ALG1L2: variants seen among roughly 807,000 people sequenced by gnomAD.
ALG1L2 encodes the protein putative glycosyltransferase ALG1L2.
In ALG1L2, 32 loss-of-function variants were observed where a neutral mutation model predicts 29.0. That is an observed-to-expected ratio of 1.10 (90% CI 0.83 to 1.48). The LOEUF is 1.48. ALG1L2 is among the 40% of genes most tolerant of loss of function. The pLI, the probability that ALG1L2 is intolerant of heterozygous loss-of-function variation, is 0.00. For missense variants in ALG1L2, 318 were observed against 274.1 expected (o/e 1.16, Z -1.13); for synonymous variants, 110 against 109.5 (o/e 1.00, Z -0.03).
At chr3:130,088,600 TAGAGATGGGGTTTCAACATTTTGG>T in intron 1 of ALG1L2, among the ~76,000 whole-genome samples, 1 of 152,380 alleles carries the variant, frequency 6.6e-6, no homozygotes, top group East Asian at 1.9e-4. Flanking sequence ...GTATTTTTAT[TAGAGATGGGGTTTCAACATTTTGG>T]CCAGGCTGGT....
chr3:130,096,005 G>A (rs746447870), intron 5 of ALG1L2, 44 bp from the exon 6 acceptor site: 112 of 218,210 alleles, frequency 5.1e-4, no homozygotes, highest in Middle Eastern at 3.0e-3. Context: ...TTGTGTTCCC[G>A]GGGCAGAGAC....
At chr3:130,084,152 A>AG (rs1261143198) in intron 1 of ALG1L2, among the ~76,000 whole-genome samples, 2 of 132,086 alleles carry the variant, frequency 1.5e-5, no homozygotes, top group African/African-American at 5.1e-5. Flanking sequence ...GATGCTGGGG[A>AG]AGCAGACATT....
intron 4 of ALG1L2, chr3:130,094,017 C>T (rs990216033): frequency 5.8e-5 from 16 of 274,334 alleles, no homozygotes; most frequent in African/African-American, 4.5e-5. Context: ...AGGGCAGGGG[C>T]GGCTTGGAAC....
chr3:130,083,106 G>A (rs1190666083), intron 1 of ALG1L2, among the ~76,000 whole-genome samples: 1 of 132,162 alleles, frequency 7.6e-6, no homozygotes, highest in Admixed American at 7.9e-5. Flanking sequence ...GTAAGCCAAA[G>A]GTAGAGAGTG....
chr3:130,098,382 A>G lies in ALG1L2; in HGVS notation c.*127A>G. ...ACACATAACTCCTGGGCCAGAGGCT[A>G]AAACCCCAGGGCCCCTGCTGTCCTT... On this transcript the variant is annotated 3_prime_UTR_variant, in exon 8 of 8. Coordinates refer to ENST00000425059, the MANE Select transcript of ALG1L2 (RefSeq NM_001136152.1). 2.5e-6 allele frequency: 4 copies of G among 1,595,354 alleles called. No homozygotes were observed. Among genetic ancestry groups the G allele is most frequent in the South Asian group, 1.1e-5 (1 of 90,932 alleles).
At chr3:130,083,897 G>A (rs1180787128) in intron 1 of ALG1L2, among the ~76,000 whole-genome samples, 2 of 150,016 alleles carry the variant, frequency 1.3e-5, no homozygotes, top group Non-Finnish European at 3.0e-5. Context: ...TTGGTCGTGG[G>A]GATGTGGGGT....
intron 1 of ALG1L2, among the ~76,000 whole-genome samples, chr3:130,089,896 G>C (rs79248316): frequency 0.019 from 2,912 of 150,196 alleles, no homozygotes; most frequent in East Asian, 0.14. Context: ...ACAAAAATTA[G>C]CCAGGCTTAC....
intron 1 of ALG1L2, among the ~76,000 whole-genome samples, chr3:130,087,665 G>A (rs567961036): frequency 7.6e-6 from 1 of 131,802 alleles, no homozygotes; most frequent in Non-Finnish European, 1.8e-5. Context: ...TAAAATGGTA[G>A]CACTGGGGAA....
At chr3:130,087,364 T>A (rs1169143900) in intron 1 of ALG1L2, among the ~76,000 whole-genome samples, 1 of 147,770 alleles carries the variant, frequency 6.8e-6, no homozygotes, top group East Asian at 1.9e-4. Context: ...CCATGAAAGA[T>A]AAAGAAAAAC....
chr3:130,088,743 G>T (rs1159729427), intron 1 of ALG1L2, among the ~76,000 whole-genome samples: 1 of 145,672 alleles, frequency 6.9e-6, no homozygotes, highest in Non-Finnish European at 1.5e-5. Context: ...ATAAAGGGGA[G>T]CTCCCCTGCA....
At position 130,091,781 on chromosome 3, in the gene ALG1L2, A is replaced by G. The variant is rs142457137; in HGVS notation, c.132-320A>G. 1,972 of 611,268 alleles carry G rather than the reference A, an allele frequency of 3.2e-3. 23 individuals carry two copies. Among genetic ancestry groups the G allele is most frequent in the African/African-American group, 0.032 (1,748 of 55,096 alleles). The allele number at this position is 611,268 out of a possible 1,614,324, so 37.9% of individuals were successfully genotyped here. A position where few individuals can be genotyped will look rare whatever the true frequency, so the allele number is the denominator to read the frequency against. On this transcript the variant is annotated intron_variant, in intron 2 of 7. Transcript: ENST00000425059. Reference sequence around the variant, plus strand: ...ACTTTGTGCAGGTCCACATACCCTGAGGTGTGCCCCTGGGTAAGCTGGGGT... The same window carrying G: ...ACTTTGTGCAGGTCCACATACCCTGGGGTGTGCCCCTGGGTAAGCTGGGGT...
chr3:130,085,988 A>G (rs1389528068), intron 1 of ALG1L2, among the ~76,000 whole-genome samples: 1 of 151,404 alleles, frequency 6.6e-6, no homozygotes, highest in East Asian at 1.9e-4. Context: ...TACTGATGGC[A>G]GTGAGGCAGA....
chr3:130,098,371 G>A lies in ALG1L2; in HGVS notation c.*116G>A. 3.1e-6 allele frequency: 5 copies of A among 1,596,092 alleles called. No homozygotes were observed. Among genetic ancestry groups the A allele is most frequent in the Non-Finnish European group, 4.2e-6 (5 of 1,179,598 alleles). Reference sequence around the variant, plus strand: ...TTTGGTTATGGACACATAACTCCTGGGCCAGAGGCTAAAACCCCAGGGCCC... The same window carrying A: ...TTTGGTTATGGACACATAACTCCTGAGCCAGAGGCTAAAACCCCAGGGCCC... On this transcript the variant is annotated 3_prime_UTR_variant, in exon 8 of 8. Coordinates refer to ENST00000425059, the MANE Select transcript of ALG1L2 (RefSeq NM_001136152.1).
chr3:130,085,577 AG>A (rs1474546024), intron 1 of ALG1L2, among the ~76,000 whole-genome samples: 2 of 150,440 alleles, frequency 1.3e-5, no homozygotes, highest in Non-Finnish European at 3.0e-5. Flanking sequence ...TACTGGATAA[AG>A]CCCACTCTAT....
intron 1 of ALG1L2, among the ~76,000 whole-genome samples, chr3:130,090,391 G>A (rs1444946163): frequency 6.6e-6 from 1 of 152,290 alleles, no homozygotes; most frequent in Non-Finnish European, 1.5e-5. Flanking sequence ...AATTGAGGAA[G>A]GATTTAGCAT....
intron 4 of ALG1L2, 135 bp downstream of exon 4, chr3:130,093,295 C>CCTG: frequency 3.9e-6 from 4 of 1,033,274 alleles, no homozygotes; most frequent in South Asian, 3.6e-5. Context: ...GGGTCTTACA[C>CCTG]TGCTTGACAT....
chr3:130,084,725 T>C (rs1934854809), intron 1 of ALG1L2, among the ~76,000 whole-genome samples: 1 of 126,700 alleles, frequency 7.9e-6, no homozygotes, highest in African/African-American at 2.6e-5. Context: ...GATGAAGGGA[T>C]TGTCAGGGCC....
chr3:130,091,050 C>G lies in ALG1L2; in HGVS notation c.21-211C>G, dbSNP rs964765633. The stretch of plus-strand genomic sequence containing the variant: ...GTGCAATCCATGTTGTGTATTGGCA[C>G]TCCACTTAAGTTTCCAGTTTGTAAA... On this transcript the variant is annotated intron_variant, in intron 1 of 7. Transcript: ENST00000425059. 7.1e-6 allele frequency: 4 copies of G among 566,878 alleles called. No homozygotes were observed. In the African/African-American group the frequency reaches 7.6e-5, roughly 11 times the overall value. The allele number at this position is 566,878 out of a possible 1,614,324, so 35.1% of individuals were successfully genotyped here. A position where few individuals can be genotyped will look rare whatever the true frequency, so the allele number is the denominator to read the frequency against.
At chr3:130,091,682 T>C (rs1023550092) in intron 2 of ALG1L2, 2 of 529,620 alleles carry the variant, frequency 3.8e-6, no homozygotes, top group Non-Finnish European at 6.9e-6. Context: ...CTCCTGCCAA[T>C]GGGTTCCCAG....
Sources: gnomAD v4.1 joint callset for allele counts (sites outside exome capture counted in the v4.1 genomes callset) on GRCh38, gnomAD v4.1.1 for gene constraint, MANE v1.5 for transcripts, NCBI Gene and HGNC (gene_info 2026-07-23, HGNC 2026-07-21) for gene names.